INSR: variants seen among roughly 807,000 people sequenced by gnomAD.
INSR encodes insulin receptor.
A neutral mutation model predicts 142.6 loss-of-function variants in INSR; 67 were observed. The ratio of observed to expected loss-of-function variants is 0.47; its 90% CI spans 0.39 to 0.58. The LOEUF (loss-of-function observed/expected upper bound fraction) is 0.58. Ranked by LOEUF, INSR falls within the 20% of genes least tolerant of loss-of-function variation. The pLI, the probability that INSR is intolerant of heterozygous loss-of-function variation, is 0.00. For missense variants in INSR, 1,248 were observed against 1,833.2 expected (o/e 0.68, Z 5.83); for synonymous variants, 756 against 743.1 (o/e 1.02, Z -0.28).
rs2229428 is a variant in INSR at position 7,184,402 on chromosome 19, C to T, written c.888G>A (p.Ser296=). ...CGTACTGGTGGCAGCCCTGCCTCCG[C>T]GAGTTCTTGCATTTGTGGTGCAGGT... is the stretch of plus-strand genomic sequence containing the variant. ...CQDLHHKCKN[S]RRQGCHQYVI... Residue 296 remains serine (S), a synonymous_variant, in exon 3 of 22, where the codon TCG becomes TCA. Coordinates refer to ENST00000302850, the MANE Select transcript of INSR (RefSeq NM_000208.4). 293 of 1,614,048 alleles carry T rather than the reference C, an allele frequency of 1.8e-4. No individual in the cohort carries two copies. In the East Asian group the frequency reaches 5.0e-3, roughly 28 times the overall value.
chr19:7,227,001 T>G (rs1362887738), intron 2 of INSR, among the ~76,000 whole-genome samples: 1 of 152,192 alleles, frequency 6.6e-6, no homozygotes, highest in East Asian at 1.9e-4. Context: ...AAATCTTGTC[T>G]TGGACACCAA....
intron 1 of INSR, among the ~76,000 whole-genome samples, chr19:7,272,650 C>T (rs551352302): frequency 4.6e-5 from 7 of 152,054 alleles, no homozygotes; most frequent in South Asian, 4.2e-4. Flanking sequence ...AAAAACCCCA[C>T]GAAACAAAAA....
intron 1 of INSR, among the ~76,000 whole-genome samples, chr19:7,275,167 G>T (rs1968028564): frequency 6.6e-6 from 1 of 151,928 alleles, no homozygotes; most frequent in African/African-American, 2.4e-5. Flanking sequence ...TAGAGACAAG[G>T]TTTCACCATG....
At chr19:7,199,680 T>A (rs1974899072) in intron 2 of INSR, among the ~76,000 whole-genome samples, 1 of 148,900 alleles carries the variant, frequency 6.7e-6, no homozygotes, top group African/African-American at 2.5e-5. Context: ...ATCACAGGCG[T>A]GAGGAACCCA....
chr19:7,278,481 G>A (rs1161951483), intron 1 of INSR, among the ~76,000 whole-genome samples: 3 of 152,172 alleles, frequency 2.0e-5, no homozygotes, highest in East Asian at 1.9e-4. Flanking sequence ...TCAAAAGGCC[G>A]GAGAAGACCA....
intron 2 of INSR, among the ~76,000 whole-genome samples, chr19:7,211,983 C>T (rs1975289876): frequency 6.6e-6 from 1 of 152,138 alleles, no homozygotes; most frequent in Non-Finnish European, 1.5e-5. Flanking sequence ...ATTCCCCCAT[C>T]ACTGTTATCT....
rs772895290 is a variant in INSR, at chr19:7,193,015, G to C, written c.653-8378C>G. On this transcript the variant is annotated intron_variant, in intron 2 of 21. Transcript: ENST00000302850. The stretch of plus-strand genomic sequence containing the variant: ...TAAAGGACCCCTTCCCTAGACAGAG[G>C]GAGTCACAGAAACACCAATTTGCTT... Among the ~76,000 whole-genome samples the C allele has an allele frequency of 3.1e-4, 47 of 152,246 alleles. 1 individual carries two copies. The Middle Eastern group carries it at 0.031, about 99-fold the overall frequency.
intron 14 of INSR, among the ~76,000 whole-genome samples, chr19:7,129,936 G>A (rs546190859): frequency 6.6e-6 from 1 of 151,902 alleles, no homozygotes; most frequent in Non-Finnish European, 1.5e-5. Flanking sequence ...ACAGAGTCTC[G>A]CTATGTTGCT....
chr19:7,267,871 G>A lies in INSR; in HGVS notation c.126C>T (p.Asn42=). ...GEVCPGMDIR[N]NLTRLHELEN... ...CCAGCTCATGCAACCTAGTGAGGTT[G>A]TTCCGGATATCCATGCCGGGACACA... Residue 42 remains asparagine (N), a synonymous_variant, in exon 2 of 22, where the codon AAC becomes AAT. Coordinates refer to ENST00000302850, the MANE Select transcript of INSR (RefSeq NM_000208.4). This position sits in a 1 kb window ranked among gnomAD's most constrained non-coding sequence, Gnocchi z 6.3. 5.0e-6 allele frequency: 8 copies of A among 1,614,010 alleles called. No homozygotes were observed. The highest frequency in any genetic ancestry group is 6.8e-6 in the Non-Finnish European group (8 of 1,179,992).
intron 3 of INSR, among the ~76,000 whole-genome samples, chr19:7,179,640 T>C (rs1162049999): frequency 6.6e-6 from 1 of 152,238 alleles, no homozygotes; most frequent in Non-Finnish European, 1.5e-5. Flanking sequence ...ATTTATTGGT[T>C]AGTACATCGT....
At chr19:7,241,923 G>A (rs900999467) in intron 2 of INSR, among the ~76,000 whole-genome samples, 14 of 152,072 alleles carry the variant, frequency 9.2e-5, no homozygotes, top group Admixed American at 3.3e-4. Flanking sequence ...CTGGAAGGCC[G>A]CAGTAGGAGG....
chr19:7,171,372 C>T (rs1974012262), intron 5 of INSR, among the ~76,000 whole-genome samples: 1 of 152,092 alleles, frequency 6.6e-6, no homozygotes, highest in African/African-American at 2.4e-5. Flanking sequence ...TGTCCCTTTC[C>T]CCATTTGCTG....
chr19:7,116,260 A>C lies in INSR; in HGVS notation c.*796T>G, dbSNP rs1599862207. 6.6e-6 allele frequency: 1 copy of C among 151,878 alleles called. No individual in the cohort carries two copies. The highest frequency in any genetic ancestry group is 2.4e-5 in the African/African-American group (1 of 41,324). 9.4% of individuals were successfully genotyped at this position (151,878 alleles called of 1,614,324 possible). On this transcript the variant is annotated 3_prime_UTR_variant, in exon 22 of 22. Coordinates refer to ENST00000302850, the MANE Select transcript of INSR (RefSeq NM_000208.4). The stretch of plus-strand genomic sequence containing the variant: ...GAGGCTAGACTTCTGACACAAGAAG[A>C]ATCTGTCGAGAGCACAGTCTCCCAG...
chr19:7,172,745 C>T lies in INSR; in HGVS notation c.1124-311G>A, dbSNP rs45596032. Among the ~76,000 whole-genome samples, 37,041 of 151,822 alleles carry T rather than the reference C, an allele frequency of 0.24. 5,540 individuals are homozygous for T. The highest frequency in any genetic ancestry group is 0.42 in the African/African-American group (17,232 of 41,326). ...ACCAGAGACTTCTCTAAAATAGCAA[C>T]CCCCAGCTTGGTGCTGGTGGCTCAT... is the stretch of plus-strand genomic sequence containing the variant. On this transcript the variant is annotated intron_variant, in intron 4 of 21. Transcript: ENST00000302850.
intron 13 of INSR, among the ~76,000 whole-genome samples, chr19:7,135,772 C>A (rs1972907537): frequency 6.6e-6 from 1 of 151,818 alleles, no homozygotes; most frequent in Non-Finnish European, 1.5e-5. Flanking sequence ...AGTTTGAGAC[C>A]AGCCTGACCA....
intron 2 of INSR, among the ~76,000 whole-genome samples, chr19:7,243,148 G>A (rs937132609): frequency 4.7e-5 from 7 of 148,744 alleles, no homozygotes; most frequent in Non-Finnish European, 3.0e-5. Flanking sequence ...ACGTGACACA[G>A]CCCTACAAAA....
chr19:7,161,492 C>A (rs1264161206), intron 9 of INSR, among the ~76,000 whole-genome samples: 1 of 152,104 alleles, frequency 6.6e-6, no homozygotes, highest in Non-Finnish European at 1.5e-5. Flanking sequence ...TCCAGTGATC[C>A]TCCCACCTTG....
Position 7,148,477 on chromosome 19 carries a change from C to CTTTTTTTTTTTTTTTTTT in INSR, c.2267+2002_2267+2019dup, listed in dbSNP as rs71177160. Among the ~76,000 whole-genome samples the CTTTTTTTTTTTTTTTTTT allele has an allele frequency of 9.5e-5, 9 of 95,062 alleles. 2 individuals carry two copies. The highest frequency in any genetic ancestry group is 7.2e-4 in the South Asian group (2 of 2,792). 62.4% of individuals were successfully genotyped at this position (95,062 alleles called of 152,430 possible). On this transcript the variant is annotated intron_variant, in intron 11 of 21. Coordinates refer to ENST00000302850, the MANE Select transcript of INSR (RefSeq NM_000208.4). ...TTATTATTAGTATTATGTATTTATT[C>CTTTTTTTTTTTTTTTTTT]TTTTTTTTTTTTTTTTTTGAGACAG...
In INSR at chr19:7,258,801, G is replaced by A. The variant is rs1220555480; in HGVS notation, c.652+8544C>T. Among the ~76,000 whole-genome samples, 2 of 149,134 alleles carry A rather than the reference G, an allele frequency of 1.3e-5. 1 individual carries two copies. The highest frequency in any genetic ancestry group is 3.0e-5 in the Non-Finnish European group (2 of 66,642). On this transcript the variant is annotated intron_variant, in intron 2 of 21. Transcript: ENST00000302850. ...AAGTCCCTGCCTTCAGGAGAGCTTAGTCTGATAGGAGAGGCCCTAAGTCAA... is the reference window on the plus strand; with the variant it reads ...AAGTCCCTGCCTTCAGGAGAGCTTAATCTGATAGGAGAGGCCCTAAGTCAA...
Sources: allele counts gnomAD v4.1 joint callset (sites outside exome capture counted in the v4.1 genomes callset), GRCh38; gene constraint gnomAD v4.1.1; non-coding constraint Gnocchi (gnomAD v3.1); transcripts MANE v1.5; gene names NCBI Gene and HGNC (gene_info 2026-07-23, HGNC 2026-07-21).